Variants in GALC observed in about 807,000 individuals in gnomAD.
GALC encodes the protein galactocerebrosidase.
Under a neutral mutation model 91.8 loss-of-function variants are expected in GALC, and 77 were observed. That is an observed-to-expected ratio of 0.84 (90% confidence interval 0.70 to 1.01). The LOEUF is 1.01. Ranked by LOEUF, GALC falls within the 50% of genes least tolerant of loss-of-function variation. GALC has a pLI of 0.00. For synonymous variants in GALC, 357 were observed against 306.7 expected, an observed-to-expected ratio of 1.16 and a Z score of -1.71; for missense variants, 882 against 855.9, an observed-to-expected ratio of 1.03 and a Z score of -0.38.
intron 8 of GALC, among the ~76,000 whole-genome samples, chr14:87,966,826 A>T (rs116571): frequency 0.98 from 148,649 of 152,310 alleles, 72,647 homozygotes; most frequent in East Asian, 1. Flanking sequence ...ATACAATTGA[A>T]CATTTCAGTT....
At chr14:87,953,593 C>A in intron 10 of GALC, 2 of 1,609,652 alleles carry the variant, frequency 1.2e-6, no homozygotes, top group Non-Finnish European at 1.7e-6. Context: ...GTGTTCCCAA[C>A]TAAACACCTT....
chr14:87,990,671 T>G (rs1887162617), intron 1 of GALC, among the ~76,000 whole-genome samples: 1 of 152,236 alleles, frequency 6.6e-6, no homozygotes, highest in South Asian at 2.1e-4. Context: ...AGGGTTTCTT[T>G]TGCCCTCTAT....
At chr14:87,950,935 C>T (rs1181940442) in intron 10 of GALC, among the ~76,000 whole-genome samples, 187 bp from the exon 11 acceptor site, 1 of 151,242 alleles carries the variant, frequency 6.6e-6, no homozygotes, top group Non-Finnish European at 1.5e-5. Context: ...TTGTATGTTC[C>T]TAGTCAAATA....
chr14:87,933,633 A>C lies in GALC; in HGVS notation c.*1099T>G, dbSNP rs1421534657. On this transcript the variant is annotated 3_prime_UTR_variant, in exon 17 of 17. Coordinates refer to ENST00000261304, the MANE Select transcript of GALC (RefSeq NM_000153.4). ...AATTCCTAAATAGTAGAATTAGTTC[A>C]ATGAGTAATTCTTATAAATAATTCT... The C allele has an allele frequency of 4.8e-6, 1 of 210,010 alleles. No individual in the cohort carries two copies. The highest frequency in any genetic ancestry group is 2.3e-5 in the African/African-American group (1 of 43,690). 13.0% of individuals were successfully genotyped at this position (210,010 alleles called of 1,614,324 possible).
intron 10 of GALC, chr14:87,953,108 C>T (rs1457499165): frequency 3.3e-6 from 5 of 1,496,140 alleles, no homozygotes; most frequent in South Asian, 1.1e-5. Context: ...AAATACAAAA[C>T]CAGTGTTTGG....
At chr14:87,948,061 A>G (rs1885149447) in intron 12 of GALC, among the ~76,000 whole-genome samples, 183 bp from the exon 13 acceptor site, 1 of 152,086 alleles carries the variant, frequency 6.6e-6, no homozygotes, top group African/African-American at 2.4e-5. Flanking sequence ...TAAGTATTTT[A>G]GAAAACTTTA....
chr14:87,939,749 C>A (rs1884752754), intron 16 of GALC, among the ~76,000 whole-genome samples, 156 bp downstream of exon 16: 1 of 151,910 alleles, frequency 6.6e-6, no homozygotes, highest in Non-Finnish European at 1.5e-5. Flanking sequence ...ACACATGTAA[C>A]TATCCTAGGG....
At position 87,941,372 on chromosome 14, in the gene GALC, T is replaced by A. The variant is rs367926377; in HGVS notation, c.1834+23A>T. The A allele has an allele frequency of 5.6e-4, 718 of 1,276,458 alleles. 1 individual carries two copies. In the African/African-American group the frequency reaches 1.0e-2, roughly 18 times the overall value. The allele number at this position is 1,276,458 out of a possible 1,614,324, so 79.1% of individuals were successfully genotyped here. A position where few individuals can be genotyped will look rare whatever the true frequency, so the allele number is the denominator to read the frequency against. ...ACATAGCCCATAAGTCATATGCTATTAAAAAAAAAAAAAGTCAGTTACCTA... is the reference window on the plus strand; with the variant it reads ...ACATAGCCCATAAGTCATATGCTATAAAAAAAAAAAAAAGTCAGTTACCTA... On this transcript the variant is annotated intron_variant, in intron 15 of 16. Transcript: ENST00000261304.
chr14:87,963,572 GAAA>G, intron 9 of GALC, 61 bp from the exon 10 acceptor site: 4 of 1,152,968 alleles, frequency 3.5e-6, no homozygotes, highest in Admixed American at 2.3e-5. Context: ...TTTCTTTTGG[GAAA>G]AAAAAAAAGC....
At chr14:87,947,426 A>C (rs1885117160) in intron 13 of GALC, among the ~76,000 whole-genome samples, 1 of 152,038 alleles carries the variant, frequency 6.6e-6, no homozygotes. Context: ...AGTAATGGCT[A>C]ATGGGGCAGT....
At position 87,933,645 on chromosome 14, in the gene GALC, T is replaced by C; in HGVS notation, c.*1087A>G. The C allele has an allele frequency of 4.3e-6, 1 of 231,196 alleles. No homozygotes were observed. The highest frequency in any genetic ancestry group is 8.3e-5 in the East Asian group (1 of 11,994). 14.3% of individuals were successfully genotyped at this position (231,196 alleles called of 1,614,324 possible). A position where few individuals can be genotyped will look rare whatever the true frequency, so the allele number is the denominator to read the frequency against. On this transcript the variant is annotated 3_prime_UTR_variant, in exon 17 of 17. Transcript: ENST00000261304. ...GTAGAATTAGTTCAATGAGTAATTC[T>C]TATAAATAATTCTAGATTTACTTTA...
At chr14:87,978,233 T>C (rs1183411091) in intron 6 of GALC, among the ~76,000 whole-genome samples, 1 of 152,164 alleles carries the variant, frequency 6.6e-6, no homozygotes, top group Non-Finnish European at 1.5e-5. Flanking sequence ...ATATTTTTAG[T>C]AGAGACAGGG....
chr14:87,971,604 T>C (rs1308858261), intron 7 of GALC, among the ~76,000 whole-genome samples: 4 of 152,248 alleles, frequency 2.6e-5, no homozygotes, highest in Non-Finnish European at 4.4e-5. Context: ...ATTTTAATGA[T>C]ATATTTAACC....
intron 6 of GALC, among the ~76,000 whole-genome samples, chr14:87,977,420 A>G (rs1886546711): frequency 6.6e-6 from 1 of 152,168 alleles, no homozygotes; most frequent in South Asian, 2.1e-4. Flanking sequence ...TTAGGTGGCA[A>G]ACACACTCAA....
In GALC at chr14:87,984,543, G is replaced by A. The variant is rs1467593141; in HGVS notation, c.443-10C>T. ...AATGACCATGGCAACCCTGCAGAGA[G>A]AAGGGAGGAGGCAAAGGTAGAGGAG... On this transcript the variant is annotated splice_polypyrimidine_tract_variant and intron_variant, in intron 4 of 16. Coordinates refer to ENST00000261304, the MANE Select transcript of GALC (RefSeq NM_000153.4). 2 of 1,613,976 alleles carry A rather than the reference G, an allele frequency of 1.2e-6. No individual in the cohort carries two copies. Among genetic ancestry groups the A allele is most frequent in the African/African-American group, 1.3e-5 (1 of 74,924 alleles).
chr14:87,993,105 G>A lies in GALC; in HGVS notation c.60C>T (p.Ala20=), dbSNP rs188488238. 3.5e-4 allele frequency: 560 copies of A among 1,588,068 alleles called. No individual in the cohort carries two copies. Among genetic ancestry groups the A allele is most frequent in the Non-Finnish European group, 4.6e-4 (541 of 1,167,996 alleles). ...CCGCGGCGCGGCCCGCCGAACCCGC[G>A]GCCGCAGTCATAGCTTTCGCTCGGC... The part of the protein sequence containing the change: ...WQRRAKAMTA[A]AGSAGRAAVP... Residue 20 remains alanine, a synonymous_variant, in exon 1 of 17, where the codon GCC becomes GCT. Coordinates refer to ENST00000261304, the MANE Select transcript of GALC (RefSeq NM_000153.4).
intron 15 of GALC, 113 bp from the exon 16 acceptor site, chr14:87,940,094 A>C: frequency 1.2e-6 from 1 of 831,340 alleles, no homozygotes; most frequent in African/African-American, 1.7e-5. Context: ...GTCAGCCTCA[A>C]CAGAGAGCTA....
intron 10 of GALC, chr14:87,955,176 A>G: frequency 1.5e-6 from 2 of 1,290,668 alleles, no homozygotes; most frequent in South Asian, 2.4e-5. Flanking sequence ...CTGACACTGT[A>G]AAGCATGGAG....
At chr14:87,937,060 C>A (rs1884605684) in intron 16 of GALC, among the ~76,000 whole-genome samples, 1 of 151,604 alleles carries the variant, frequency 6.6e-6, no homozygotes, top group Non-Finnish European at 1.5e-5. Flanking sequence ...TGCAACAGAA[C>A]TGGGACAAGT....
Sources: allele counts gnomAD v4.1 joint callset (sites outside exome capture counted in the v4.1 genomes callset), GRCh38; gene constraint gnomAD v4.1.1; transcripts MANE v1.5; gene names NCBI Gene and HGNC (gene_info 2026-07-23, HGNC 2026-07-21).